The following MAP7D3 variants were observed in gnomAD, a reference collection of about 807,000 sequenced individuals.
MAP7D3 encodes MAP7 domain containing 3, also known as MAP7 domain-containing protein 3.
Under a neutral mutation model 62.2 loss-of-function variants are expected in MAP7D3, and 45 were observed. The ratio of observed to expected loss-of-function variants is 0.72; its 90% confidence interval spans 0.57 to 0.93. The LOEUF (loss-of-function observed/expected upper bound fraction) is 0.93, where lower values mean the gene tolerates loss of function less well. Ranked by LOEUF, MAP7D3 falls within the 40% of genes least tolerant of loss-of-function variation. MAP7D3 has a pLI of 0.00. For missense variants in MAP7D3, 711 were observed against 683.1 expected, an observed-to-expected ratio of 1.04 and a Z score of -0.45; for synonymous variants, 288 against 248.8, an observed-to-expected ratio of 1.16 and a Z score of -1.48.
In MAP7D3 at chrX:136,224,840, A is replaced by G; in HGVS notation, c.2180T>C (p.Val727Ala). The G allele has an allele frequency of 5.1e-6, 6 of 1,179,474 alleles. No homozygotes were observed. The highest frequency in any genetic ancestry group is 6.9e-6 in the Non-Finnish European group (6 of 866,113). ...TATGGAGACTACCTTTGAGGCATTC[A>G]CATCTGTCTTTCTTGTCCGCTTCAT... ...EIMKRTRKTD[V>A]NASKVTETSS... The change falls in exon 14 of 19, where the codon GTG becomes GCG. Residue 727 changes from valine to alanine, a missense_variant. Coordinates refer to ENST00000316077, the MANE Select transcript of MAP7D3 (RefSeq NM_024597.4).
chrX:136,251,654 G>GC (rs897048313), upstream of MAP7D3: 27 of 534,580 alleles, frequency 5.1e-5, no homozygotes, highest in African/African-American at 2.0e-4. Context: ...ACCCAGCTTG[G>GC]CCCCCCCAAC....
upstream of MAP7D3, chrX:136,251,595 T>C: frequency 2.5e-6 from 2 of 802,928 alleles, no homozygotes; most frequent in Non-Finnish European, 3.0e-6. Context: ...AACCCTCTCC[T>C]ATGTTCCGTG....
At chrX:136,256,112 G>C (rs749320830), upstream of MAP7D3, 172 of 744,925 alleles carry the variant, frequency 2.3e-4, no homozygotes, top group Middle Eastern at 4.6e-3. Flanking sequence ...CATATACACA[G>C]TTGAGACAAG....
chrX:136,229,560 C>A (rs1283276525), intron 10 of MAP7D3, among the ~76,000 whole-genome samples: 3 of 110,279 alleles, frequency 2.7e-5, no homozygotes, highest in Non-Finnish European at 5.7e-5. Context: ...TCAAGGGACA[C>A]CACATTATGG....
Position 136,232,089 on chromosome X carries a change from A to T in MAP7D3, c.868T>A (p.Ser290Thr), listed in dbSNP as rs1469079640. 8.3e-7 allele frequency: 1 copy of T among 1,208,885 alleles called. No individual in the cohort carries two copies. The highest frequency in any genetic ancestry group is 1.1e-6 in the Non-Finnish European group (1 of 893,774). Residue 290 changes from serine to threonine, a missense_variant, in exon 8 of 19, where the codon TCT (serine) becomes ACT (threonine). Physicochemically the swap from Ser to Thr is moderately conservative, Grantham distance 58 (BLOSUM62 1). Coordinates refer to ENST00000316077, the MANE Select transcript of MAP7D3 (RefSeq NM_024597.4). ...KIPPQTKVEE[S>T]PLEKVETPPK... is the part of the protein sequence containing the mutation. ...GGTGTCTCTACTTTCTCCAAGGGAG[A>T]CTCTTCTACTTTTGTTTGAGGAGGT...
chrX:136,234,988 C>T (rs780983016), intron 7 of MAP7D3, among the ~76,000 whole-genome samples: 10 of 112,134 alleles, frequency 8.9e-5, no homozygotes, highest in Non-Finnish European at 1.7e-4. Flanking sequence ...TCTGACTGGA[C>T]TGCACTGTCA....
At chrX:136,254,831 G>A (rs1038251918), upstream of MAP7D3, among the ~76,000 whole-genome samples, 3 of 111,261 alleles carry the variant, frequency 2.7e-5, no homozygotes, top group Non-Finnish European at 5.7e-5. Context: ...AAATAAACTC[G>A]AAATCTGGAT....
In MAP7D3 at chrX:136,218,184, T is replaced by G. The variant is rs188683661; in HGVS notation, c.*342A>C. The G allele has an allele frequency of 8.9e-6, 1 of 112,497 alleles. No homozygotes were observed. The highest frequency in any genetic ancestry group is 3.2e-5 in the African/African-American group (1 of 31,035). 9.3% of individuals were successfully genotyped at this position (112,497 alleles called of 1,213,427 possible). A position where few individuals can be genotyped will look rare whatever the true frequency, so the allele number is the denominator to read the frequency against. ...CAGTTACAGTTTCAGGAAAGCATCCTTGATGCACTCACTCCAGCAAACACA... is the reference window on the plus strand; with the variant it reads ...CAGTTACAGTTTCAGGAAAGCATCCGTGATGCACTCACTCCAGCAAACACA... On this transcript the variant is annotated 3_prime_UTR_variant, in exon 19 of 19. Coordinates refer to ENST00000316077, the MANE Select transcript of MAP7D3 (RefSeq NM_024597.4).
chrX:136,225,750 T>A (rs1348525389), intron 13 of MAP7D3, among the ~76,000 whole-genome samples, 159 bp downstream of exon 13: 1 of 111,940 alleles, frequency 8.9e-6, no homozygotes, highest in East Asian at 2.8e-4. Flanking sequence ...GCCCTCTATG[T>A]AGGAGAAGTC....
At position 136,230,456 on chromosome X, in the gene MAP7D3, T is replaced by A. The variant is rs199800251; in HGVS notation, c.1679A>T (p.Lys560Met). 2.7e-5 allele frequency: 32 copies of A among 1,201,379 alleles called. No homozygotes were observed. The highest frequency in any genetic ancestry group is 3.3e-5 in the Non-Finnish European group (29 of 886,181). ...SVQSASSTVK[K>M]KKETVSKTTN... ...GGTTTTAGAAACTGTTTCTTTTTTC[T>A]TTTTGACAGTACTTGATGCACTTTG... The change falls in exon 10 of 19, where the codon AAG becomes ATG. Residue 560 changes from lysine to methionine, a missense_variant. By Grantham distance (95) the Lys-to-Met change is moderately conservative. Transcript: ENST00000316077.
upstream of MAP7D3, chrX:136,251,596 A>G (rs192047748): frequency 1.0e-3 from 825 of 798,630 alleles, 20 homozygotes; most frequent in Admixed American, 0.054. Flanking sequence ...ACCCTCTCCT[A>G]TGTTCCGTGC....
chrX:136,243,846 T>C (rs193181301), intron 4 of MAP7D3, among the ~76,000 whole-genome samples: 1 of 110,276 alleles, frequency 9.1e-6, no homozygotes, highest in Non-Finnish European at 1.9e-5. Flanking sequence ...AGAGAAAAAT[T>C]TGGTGTCAGA....
Position 136,218,184 on chromosome X carries a change from T to C in MAP7D3, c.*342A>G, listed in dbSNP as rs188683661. On this transcript the variant is annotated 3_prime_UTR_variant, in exon 19 of 19. Coordinates refer to ENST00000316077, the MANE Select transcript of MAP7D3 (RefSeq NM_024597.4). ...CAGTTACAGTTTCAGGAAAGCATCC[T>C]TGATGCACTCACTCCAGCAAACACA... 8.9e-6 allele frequency: 1 copy of C among 112,548 alleles called. No individual in the cohort carries two copies. Among genetic ancestry groups the C allele is most frequent in the Admixed American group, 9.4e-5 (1 of 10,649 alleles). The allele number at this position is 112,548 out of a possible 1,213,427, so 9.3% of individuals were successfully genotyped here. A position where few individuals can be genotyped will look rare whatever the true frequency, so the allele number is the denominator to read the frequency against.
chrX:136,242,464 T>G (rs976833755), intron 4 of MAP7D3, among the ~76,000 whole-genome samples: 2 of 110,218 alleles, frequency 1.8e-5, no homozygotes, highest in African/African-American at 6.6e-5. Context: ...TCTGGGTTTT[T>G]TTTTTCTGCT....
At chrX:136,236,436 C>T in intron 6 of MAP7D3, 97 bp from the exon 7 acceptor site, 1 of 408,286 alleles carries the variant, frequency 2.4e-6, no homozygotes, top group Non-Finnish European at 4.1e-6. Flanking sequence ...ATGTTCTCTA[C>T]CTTGCTTATA....
rs929440898 is a variant in MAP7D3 at position 136,244,760 on chromosome X, T to G, written c.289A>C (p.Lys97Gln). 3 of 1,197,058 alleles carry G rather than the reference T, an allele frequency of 2.5e-6. No homozygotes were observed. Among genetic ancestry groups the G allele is most frequent in the Non-Finnish European group, 3.4e-6 (3 of 887,732 alleles). ...KETQLLEKERKTKLQYEKQME... is the reference protein window; with the variant it reads ...KETQLLEKERQTKLQYEKQME... ...TGTTTTTCATATTGGAGCTTGGTCT[T>G]TCTTTCTTTTTCAAGTAGTTGTGTT... The change falls in exon 4 of 19, where the codon AAG becomes CAG. Residue 97 changes from lysine (K) to glutamine (Q), a missense_variant. By Grantham distance (53) the Lys-to-Gln change is moderately conservative (BLOSUM62 1). Coordinates refer to ENST00000316077, the MANE Select transcript of MAP7D3 (RefSeq NM_024597.4).
In MAP7D3 at chrX:136,232,140, T is replaced by C; in HGVS notation, c.817A>G (p.Met273Val). ...ATTTTCATTGTCGACATGGGAAACA[T>C]AACAGCCCTCAATTCGTCGCTAGTA... ...KCTSDELRAV[M>V]FPMSTMKIPP... Residue 273 changes from methionine to valine, a missense_variant, in exon 8 of 19, where the codon ATG (methionine) becomes GTG (valine). By Grantham distance (21) the Met-to-Val change is conservative. Coordinates refer to ENST00000316077, the MANE Select transcript of MAP7D3 (RefSeq NM_024597.4). 8.3e-7 allele frequency: 1 copy of C among 1,207,492 alleles called. No homozygotes were observed. Among genetic ancestry groups the C allele is most frequent in the Non-Finnish European group, 1.1e-6 (1 of 891,466 alleles).
chrX:136,252,181 G>A (rs1170655205), upstream of MAP7D3, among the ~76,000 whole-genome samples: 1 of 110,936 alleles, frequency 9.0e-6, no homozygotes, highest in Non-Finnish European at 1.9e-5. Flanking sequence ...TTGTAGGCAC[G>A]CAGTTTATGG....
upstream of MAP7D3, chrX:136,256,343 T>G (rs1569532620): frequency 8.7e-7 from 1 of 1,154,738 alleles, no homozygotes; most frequent in Non-Finnish European, 1.1e-6. Flanking sequence ...GATGGCAGCC[T>G]TCTCAGCTCT....
Sources: gnomAD v4.1 joint callset for allele counts (sites outside exome capture counted in the v4.1 genomes callset) on GRCh38, gnomAD v4.1.1 for gene constraint, MANE v1.5 for transcripts, NCBI Gene and HGNC (gene_info 2026-07-23, HGNC 2026-07-21) for gene names.